Variants in MTO1 observed in about 807,000 individuals in gnomAD.
MTO1 encodes the protein 5-taurinomethyluridine-[tRNA] synthase subunit MTO1, mitochondrial.
A neutral mutation model predicts 71.6 loss-of-function variants in MTO1; 46 were observed. That is an observed-to-expected ratio of 0.64 (90% CI 0.51 to 0.82). The LOEUF is 0.82. Ranked by LOEUF, MTO1 falls within the 40% of genes least tolerant of loss-of-function variation. The probability of loss-of-function intolerance (pLI) is 0.00; values close to 1 mark genes in which losing one functional copy is unlikely to be tolerated. For synonymous variants in MTO1, 297 were observed against 312.1 expected, an observed-to-expected ratio of 0.95 and a Z score of 0.51; for missense variants, 773 against 867.5, an observed-to-expected ratio of 0.89 and a Z score of 1.37.
intron 1 of MTO1, among the ~76,000 whole-genome samples, chr6:73,464,851 A>C (rs1237446945): frequency 1.3e-5 from 2 of 149,988 alleles, no homozygotes; most frequent in Non-Finnish European, 3.0e-5. Context: ...AAAAAAAAAA[A>C]AAAAAAAAAA....
chr6:73,481,754 G>A (rs1234822097), intron 7 of MTO1, among the ~76,000 whole-genome samples: 1 of 152,082 alleles, frequency 6.6e-6, no homozygotes, highest in Non-Finnish European at 1.5e-5. Flanking sequence ...GGTAACAGGG[G>A]AAGACCCTGT....
chr6:73,485,503 A>G (rs920241117), intron 9 of MTO1, among the ~76,000 whole-genome samples: 4 of 151,816 alleles, frequency 2.6e-5, no homozygotes, highest in African/African-American at 4.8e-5. Context: ...CAATGGCACA[A>G]TCTTGGCTCA....
intron 10 of MTO1, among the ~76,000 whole-genome samples, chr6:73,496,944 T>G (rs1310805027): frequency 6.6e-6 from 1 of 151,102 alleles, no homozygotes; most frequent in Non-Finnish European, 1.5e-5. Context: ...TCCCAGCTAC[T>G]TAGGAGGCTG....
chr6:73,492,119 GA>G (rs1209038873), intron 9 of MTO1, 114 bp from the exon 10 acceptor site: 9 of 571,978 alleles, frequency 1.6e-5, no homozygotes, highest in African/African-American at 1.4e-4. Flanking sequence ...AAAAAAAAAA[GA>G]AATAATCTTT....
rs141970072 is a variant in MTO1, at chr6:73,482,170, G to A, written c.1391G>A (p.Arg464His). 4.8e-5 allele frequency: 78 copies of A among 1,614,010 alleles called. No homozygotes were observed. The highest frequency in any genetic ancestry group is 5.8e-5 in the Non-Finnish European group (68 of 1,180,042). ...LTTLGTSEPY[R>H]MFTSRVEFRL... Reference sequence around the variant, plus strand: ...ACTCTGGGCACCAGTGAACCATACCGCATGTTTACCAGCCGAGTAGAGTTC... The same window carrying A: ...ACTCTGGGCACCAGTGAACCATACCACATGTTTACCAGCCGAGTAGAGTTC... Residue 464 changes from arginine (R) to histidine (H), a missense_variant, in exon 8 of 12, where the codon CGC becomes CAC. Physicochemically the swap from Arg to His is conservative, Grantham distance 29. Transcript: ENST00000498286.
chr6:73,497,974 A>T, intron 11 of MTO1, 78 bp downstream of exon 11: 2 of 1,269,806 alleles, frequency 1.6e-6, no homozygotes, highest in South Asian at 3.0e-5. Context: ...CTGGGGTTAT[A>T]ATGGCCATAT....
In MTO1 at chr6:73,509,003, G is replaced by C. The variant is rs995568075; in HGVS notation, c.*8268G>C. On this transcript the variant is annotated 3_prime_UTR_variant, in exon 12 of 12. Coordinates refer to ENST00000498286, the MANE Select transcript of MTO1 (RefSeq NM_012123.4). Reference sequence around the variant, plus strand: ...CAGAAGGCTGAGAACCAGTTCCTCAGTTTGCATGCCTCCAGACAGCACTAG... The same window carrying C: ...CAGAAGGCTGAGAACCAGTTCCTCACTTTGCATGCCTCCAGACAGCACTAG... 1 of 152,254 alleles carries C rather than the reference G, an allele frequency of 6.6e-6. No individual in the cohort carries two copies. The highest frequency in any genetic ancestry group is 1.5e-5 in the Non-Finnish European group (1 of 68,066). The allele number at this position is 152,254 out of a possible 1,614,324, so 9.4% of individuals were successfully genotyped here.
At chr6:73,478,298 G>C (rs1771388262) in intron 4 of MTO1, among the ~76,000 whole-genome samples, 1 of 151,268 alleles carries the variant, frequency 6.6e-6, no homozygotes, top group Admixed American at 6.6e-5. Context: ...ATGAAGAATT[G>C]GCCAGGCACA....
At chr6:73,484,235 G>C (rs1771593201) in intron 9 of MTO1, among the ~76,000 whole-genome samples, 2 of 152,136 alleles carry the variant, frequency 1.3e-5, no homozygotes, top group Admixed American at 1.3e-4. Flanking sequence ...CACAAATAAG[G>C]ATGGTGGATA....
At chr6:73,492,996 T>TGTG (rs1256517671) in intron 10 of MTO1, among the ~76,000 whole-genome samples, 2 of 5,846 alleles carry the variant, frequency 3.4e-4, no homozygotes, top group African/African-American at 1.0e-3. Context: ...GTGTGTGTAT[T>TGTG]TTTTTTTTTT....
At position 73,461,819 on chromosome 6, in the gene MTO1, T is replaced by G. The variant is rs1439197023; in HGVS notation, c.-36T>G. 2 of 1,596,190 alleles carry G rather than the reference T, an allele frequency of 1.3e-6. No individual in the cohort carries two copies. The highest frequency in any genetic ancestry group is 4.5e-5 in the East Asian group (2 of 44,450). On this transcript the variant is annotated 5_prime_UTR_variant, in exon 1 of 12. Coordinates refer to ENST00000498286, the MANE Select transcript of MTO1 (RefSeq NM_012123.4). ...CGTAAGTTTTTTTGACCGTCACTCG[T>G]GTCAGCTTCAAAGTCAGATAGATTT...
chr6:73,507,969 T>C lies in MTO1; in HGVS notation c.*7234T>C. 1 of 100,262 alleles carries C rather than the reference T, an allele frequency of 1.0e-5. No individual in the cohort carries two copies. Among genetic ancestry groups the C allele is most frequent in the African/African-American group, 4.3e-5 (1 of 23,198 alleles). 6.2% of individuals were successfully genotyped at this position (100,262 alleles called of 1,614,324 possible). Reference sequence around the variant, plus strand: ...TCTAGCCTGGGCGACAAAGCGAGACTCTGTCTCAAAAAAAAAAAAAAAAAA... The same window carrying C: ...TCTAGCCTGGGCGACAAAGCGAGACCCTGTCTCAAAAAAAAAAAAAAAAAA... On this transcript the variant is annotated 3_prime_UTR_variant, in exon 12 of 12. Transcript: ENST00000498286.
intron 9 of MTO1, among the ~76,000 whole-genome samples, 171 bp downstream of exon 9, chr6:73,482,791 T>TTC (rs1210750165): frequency 3.0e-5 from 4 of 131,648 alleles, no homozygotes; most frequent in East Asian, 2.8e-4. Flanking sequence ...TTTTCTTTCT[T>TTC]TTTTTTTTTT....
Position 73,505,021 on chromosome 6 carries a change from T to G in MTO1, c.*4286T>G, listed in dbSNP as rs1772249301. 6.6e-6 allele frequency: 1 copy of G among 152,076 alleles called. No homozygotes were observed. The highest frequency in any genetic ancestry group is 6.6e-5 in the Admixed American group (1 of 15,244). 9.4% of individuals were successfully genotyped at this position (152,076 alleles called of 1,614,324 possible). A position where few individuals can be genotyped will look rare whatever the true frequency, so the allele number is the denominator to read the frequency against. ...CAACATGTTGAAACCCCATCTCTTA[T>G]TAAAATACAAAAATTAGCTGGGCGT... On this transcript the variant is annotated 3_prime_UTR_variant, in exon 12 of 12. Coordinates refer to ENST00000498286, the MANE Select transcript of MTO1 (RefSeq NM_012123.4).
intron 10 of MTO1, among the ~76,000 whole-genome samples, chr6:73,494,887 C>G (rs936414909): frequency 1.3e-5 from 2 of 151,602 alleles, no homozygotes; most frequent in African/African-American, 4.9e-5. Context: ...TCAAGCCGTT[C>G]TCCTGCCTCA....
rs547647383 is a variant in MTO1 at position 73,469,035 on chromosome 6, G to A, written c.535+2429G>A. Among the ~76,000 whole-genome samples, 11 of 152,062 alleles carry A rather than the reference G, an allele frequency of 7.2e-5. No homozygotes were observed. The South Asian group carries it at 2.3e-3, about 32-fold the overall frequency. On this transcript the variant is annotated intron_variant, in intron 3 of 11. Transcript: ENST00000498286. Reference sequence around the variant, plus strand: ...TTGCGTTTTTGGTTTTGGAGACAGGGTCTTACTCTGTCACCCAGGATGGAG... The same window carrying A: ...TTGCGTTTTTGGTTTTGGAGACAGGATCTTACTCTGTCACCCAGGATGGAG...
In MTO1 at chr6:73,482,640, A is replaced by T; in HGVS notation, c.1637+20A>T. On this transcript the variant is annotated intron_variant, in intron 9 of 11. Transcript: ENST00000498286. ...TGTCAGGTATGCATTTTTAATATAGACCTTTCTCACTTTTTATAGAAAAAT... is the reference window on the plus strand; with the variant it reads ...TGTCAGGTATGCATTTTTAATATAGTCCTTTCTCACTTTTTATAGAAAAAT... 1 of 1,557,662 alleles carries T rather than the reference A, an allele frequency of 6.4e-7. No individual in the cohort carries two copies. The highest frequency in any genetic ancestry group is 8.7e-7 in the Non-Finnish European group (1 of 1,153,592).
intron 1 of MTO1, 118 bp from the exon 2 acceptor site, chr6:73,466,091 T>C (rs1477963833): frequency 1.0e-6 from 1 of 990,154 alleles, no homozygotes; most frequent in African/African-American, 1.6e-5. Context: ...ATCTTTCACG[T>C]TTTCTATTTT....
At position 73,473,751 on chromosome 6, in the gene MTO1, C is replaced by G. The variant is rs1771222330; in HGVS notation, c.825+97C>G. 5.5e-6 allele frequency: 5 copies of G among 904,800 alleles called. No individual in the cohort carries two copies. In the Admixed American group the frequency reaches 8.8e-5, roughly 16 times the overall value. The allele number at this position is 904,800 out of a possible 1,614,324, so 56.0% of individuals were successfully genotyped here. On this transcript the variant is annotated intron_variant, in intron 4 of 11. Coordinates refer to ENST00000498286, the MANE Select transcript of MTO1 (RefSeq NM_012123.4). ...TTTTTTTTTTTTTGGCAGCAGTTCA[C>G]TTTATAGCACTATTGCTTATAGTGC...
Sources: gnomAD v4.1 joint callset for allele counts (sites outside exome capture counted in the v4.1 genomes callset) on GRCh38, gnomAD v4.1.1 for gene constraint, MANE v1.5 for transcripts, NCBI Gene and HGNC (gene_info 2026-07-23, HGNC 2026-07-21) for gene names.